WDHD1: variants seen among roughly 807,000 people sequenced by gnomAD.
WDHD1 encodes the protein WD repeat and HMG-box DNA binding protein 1.
In WDHD1, 111 loss-of-function variants were observed where a neutral mutation model predicts 135.4. The ratio of observed to expected loss-of-function variants is 0.82; its 90% CI spans 0.70 to 0.96. WDHD1 has a LOEUF of 0.96. WDHD1 is among the 40% of genes least tolerant of loss of function. The probability of loss-of-function intolerance (pLI) is 0.00; values close to 1 mark genes in which losing one functional copy is unlikely to be tolerated. For synonymous variants in WDHD1, 434 were observed against 439.0 expected (o/e 0.99, Z 0.14); for missense variants, 1,351 against 1,336.3 (o/e 1.01, Z -0.17).
chr14:54,955,895 C>CGTTTTT (rs1281053966), intron 23 of WDHD1, among the ~76,000 whole-genome samples: 3 of 110,096 alleles, frequency 2.7e-5, no homozygotes. Context: ...CCATGTTTTC[C>CGTTTTT]TTTTTTTTTT....
At chr14:55,005,675 A>G (rs1174266353) in intron 7 of WDHD1, 12 of 529,078 alleles carry the variant, frequency 2.3e-5, no homozygotes, top group African/African-American at 3.8e-5. Flanking sequence ...CAGGACATAG[A>G]GGTTCTAGAC....
At chr14:54,949,226 C>T (rs189005603) in intron 24 of WDHD1, among the ~76,000 whole-genome samples, 542 of 152,258 alleles carry the variant, frequency 3.6e-3, no homozygotes, top group Non-Finnish European at 6.1e-3. Flanking sequence ...GAAGTTCGAA[C>T]GCATCGCAAA....
intron 10 of WDHD1, 56 bp from the exon 11 acceptor site, chr14:54,995,869 A>T: frequency 7.2e-7 from 1 of 1,380,132 alleles, no homozygotes; most frequent in Non-Finnish European, 9.6e-7. Flanking sequence ...GAAAAACTCA[A>T]TTACTAAAAA....
chr14:54,970,096 T>C (rs2041406806), intron 16 of WDHD1, among the ~76,000 whole-genome samples: 2 of 152,118 alleles, frequency 1.3e-5, no homozygotes, highest in Non-Finnish European at 2.9e-5. Flanking sequence ...CAACACCATA[T>C]GAATGGGAAA....
At chr14:54,969,157 G>C (rs1420484478) in intron 16 of WDHD1, among the ~76,000 whole-genome samples, 2 of 152,060 alleles carry the variant, frequency 1.3e-5, no homozygotes, top group Non-Finnish European at 2.9e-5. Flanking sequence ...TCCTGCCTCA[G>C]CCTCCCAAGT....
intron 12 of WDHD1, 76 bp downstream of exon 12, chr14:54,991,137 A>G: frequency 1.3e-6 from 1 of 764,544 alleles, no homozygotes; most frequent in Admixed American, 2.6e-5. Flanking sequence ...AATATGTTTT[A>G]TCCAAAAAAA....
At chr14:54,965,715 G>A (rs2041329457) in intron 18 of WDHD1, among the ~76,000 whole-genome samples, 1 of 152,060 alleles carries the variant, frequency 6.6e-6, no homozygotes, top group African/African-American at 2.4e-5. Context: ...CAGCACTTTC[G>A]GAGGCCGAGG....
rs186204995 is a variant in WDHD1 at position 54,949,165 on chromosome 14, G to A, written c.3051-4695C>T. Among the ~76,000 whole-genome samples the A allele has an allele frequency of 5.7e-3, 874 of 152,212 alleles. 11 individuals are homozygous for A. Among genetic ancestry groups the A allele is most frequent in the African/African-American group, 0.02 (821 of 41,550 alleles). ...AAGCTGGACGGAGAATGACTTTGAC[G>A]AGTTGAGAGAAGAAGGCTTCAGACG... is the stretch of plus-strand genomic sequence containing the variant. On this transcript the variant is annotated intron_variant, in intron 24 of 25. Transcript: ENST00000360586.
intron 24 of WDHD1, among the ~76,000 whole-genome samples, chr14:54,951,951 T>TA (rs528863910): frequency 3.2e-4 from 48 of 152,158 alleles, no homozygotes; most frequent in African/African-American, 1.1e-3. Flanking sequence ...CGCTTCATGC[T>TA]AAAAAACTCT....
At chr14:54,949,187 G>A (rs542729133) in intron 24 of WDHD1, among the ~76,000 whole-genome samples, 1 of 152,314 alleles carries the variant, frequency 6.6e-6, no homozygotes, top group South Asian at 2.1e-4. Flanking sequence ...GAAGGCTTCA[G>A]ACGATCAAAC....
At chr14:54,959,784 A>AC (rs199574542) in intron 21 of WDHD1, among the ~76,000 whole-genome samples, 5,559 of 150,582 alleles carry the variant, frequency 0.037, 264 homozygotes, top group African/African-American at 0.12. Flanking sequence ...CTGTATCCGC[A>AC]CCCCCCCCAC....
intron 14 of WDHD1, among the ~76,000 whole-genome samples, chr14:54,986,616 G>T (rs533246416): frequency 2.0e-5 from 3 of 152,310 alleles, no homozygotes; most frequent in African/African-American, 7.2e-5. Context: ...TAAAAAGGGA[G>T]CTGCCAGTGA....
At chr14:54,962,365 T>TA in intron 21 of WDHD1, 133 bp downstream of exon 21, 4 of 729,400 alleles carry the variant, frequency 5.5e-6, no homozygotes, top group South Asian at 3.1e-5. Flanking sequence ...CATCTGAGAT[T>TA]AAAAAAACAA....
At chr14:54,970,466 A>T (rs1261103749) in intron 16 of WDHD1, among the ~76,000 whole-genome samples, 1 of 152,098 alleles carries the variant, frequency 6.6e-6, no homozygotes, top group Non-Finnish European at 1.5e-5. Context: ...GAGGTGAAAG[A>T]TCTCTACAAG....
At chr14:54,962,691 C>T (rs1371481151) in intron 20 of WDHD1, 47 bp downstream of exon 20, 2 of 1,596,880 alleles carry the variant, frequency 1.3e-6, no homozygotes, top group South Asian at 1.1e-5. Flanking sequence ...GGAAAAGCCA[C>T]ATCCATGATA....
intron 7 of WDHD1, among the ~76,000 whole-genome samples, chr14:55,003,628 A>G (rs896059062): frequency 7.5e-5 from 11 of 145,806 alleles, no homozygotes; most frequent in African/African-American, 2.8e-4. Flanking sequence ...AAGTAGTGCC[A>G]TCTTGGCTCA....
In WDHD1 at chr14:55,008,883, G is replaced by A. The variant is rs138953223; in HGVS notation, c.342-164C>T. ...TGGTGCGATCTCAACTGCAACCTCC[G>A]CCTCCCAGGTTCAAGCGATTCTCCT... On this transcript the variant is annotated intron_variant, in intron 4 of 25. Coordinates refer to ENST00000360586, the MANE Select transcript of WDHD1 (RefSeq NM_007086.4). Among the ~76,000 whole-genome samples the A allele has an allele frequency of 1.1e-4, 17 of 150,114 alleles. No individual in the cohort carries two copies. In the South Asian group the frequency reaches 3.6e-3, roughly 32 times the overall value.
chr14:54,987,333 T>C lies in WDHD1; in HGVS notation c.1581A>G (p.Ile527Met). The C allele has an allele frequency of 6.2e-7, 1 of 1,614,056 alleles. No individual in the cohort carries two copies. The highest frequency in any genetic ancestry group is 8.5e-7 in the Non-Finnish European group (1 of 1,180,004). The part of the protein sequence containing the change: ...SSWDSSKEWI[I>M]DLPQNEDIEA... ...CAATATCCTCATTCTGAGGCAAGTCTATTATCCACTCTTTGCTTGAATCCC... is the reference window on the plus strand; with the variant it reads ...CAATATCCTCATTCTGAGGCAAGTCCATTATCCACTCTTTGCTTGAATCCC... The change falls in exon 14 of 26, where the codon ATA becomes ATG. Residue 527 changes from isoleucine (I) to methionine (M), a missense_variant. Ile to Met is a conservative substitution (Grantham distance 10). Around this residue, in one of 2 missense-constraint regions of WDHD1, gnomAD observed 1,330 missense variants for 1,296.1 expected, o/e 1.03. Transcript: ENST00000360586.
chr14:54,996,114 C>A (rs896305459), intron 10 of WDHD1, among the ~76,000 whole-genome samples: 7 of 152,158 alleles, frequency 4.6e-5, no homozygotes, highest in African/African-American at 1.7e-4. Context: ...AGAAGTCATT[C>A]CCTAGAAAAG....
Sources: gnomAD v4.1 joint callset for allele counts (sites outside exome capture counted in the v4.1 genomes callset) on GRCh38, gnomAD v4.1.1 for gene constraint, gnomAD v4.1.1 regional missense constraint, MANE v1.5 for transcripts, NCBI Gene and HGNC (gene_info 2026-07-23, HGNC 2026-07-21) for gene names.